Variants in TMPRSS11F observed in about 807,000 individuals in gnomAD.
TMPRSS11F encodes the protein transmembrane serine protease 11F.
In TMPRSS11F, 47 loss-of-function variants were observed where a neutral mutation model predicts 60.2. The ratio of observed to expected loss-of-function variants is 0.78; its 90% CI spans 0.62 to 1.00. The LOEUF (loss-of-function observed/expected upper bound fraction) is 1.00, where lower values mean the gene tolerates loss of function less well. Ranked by LOEUF, TMPRSS11F falls within the 50% of genes least tolerant of loss-of-function variation. TMPRSS11F has a pLI of 0.00. For synonymous variants in TMPRSS11F, 166 were observed against 167.3 expected (o/e 0.99, Z 0.06); for missense variants, 519 against 522.9 (o/e 0.99, Z 0.07).
intron 2 of TMPRSS11F, among the ~76,000 whole-genome samples, chr4:68,091,749 C>CTATCTATCTA (rs1553887390): frequency 5.0e-5 from 1 of 19,862 alleles, no homozygotes; most frequent in Non-Finnish European, 3.3e-4. Flanking sequence ...AATCTCTAAT[C>CTATCTATCTA]TCTCTCTCTC....
At chr4:68,065,141 CT>C (rs1723298865) in intron 7 of TMPRSS11F, among the ~76,000 whole-genome samples, 197 bp from the exon 8 acceptor site, 1 of 152,034 alleles carries the variant, frequency 6.6e-6, no homozygotes, top group African/African-American at 2.4e-5. Context: ...TAATTAATAA[CT>C]GATTAATTTC....
At chr4:68,100,437 G>A (rs949239597) in intron 1 of TMPRSS11F, among the ~76,000 whole-genome samples, 2 of 152,152 alleles carry the variant, frequency 1.3e-5, no homozygotes, top group African/African-American at 4.8e-5. Flanking sequence ...CATATTGATG[G>A]TCCAGGAAGG....
At position 68,070,023 on chromosome 4, in the gene TMPRSS11F, C is replaced by T. The variant is rs1450791510; in HGVS notation, c.515-16G>A. 4.4e-6 allele frequency: 7 copies of T among 1,600,916 alleles called. No homozygotes were observed. The highest frequency in any genetic ancestry group is 1.3e-5 in the African/African-American group (1 of 74,502). On this transcript the variant is annotated splice_polypyrimidine_tract_variant and intron_variant, in intron 5 of 9. Transcript: ENST00000356291. ...CTGTCAATAGCTGGAATAAGCAAAA[C>T]ATGAATTAGTTGGCAGAAGAATATA... is the stretch of plus-strand genomic sequence containing the variant.
intron 2 of TMPRSS11F, among the ~76,000 whole-genome samples, chr4:68,094,173 G>C (rs1197102023): frequency 1.9e-5 from 2 of 104,312 alleles, no homozygotes; most frequent in Non-Finnish European, 2.1e-5. Flanking sequence ...TGATAGACTG[G>C]ATTAAGAAAA....
intron 2 of TMPRSS11F, among the ~76,000 whole-genome samples, chr4:68,095,755 G>T (rs1254436884): frequency 6.6e-6 from 1 of 152,010 alleles, no homozygotes; most frequent in Non-Finnish European, 1.5e-5. Flanking sequence ...AATTATCTGG[G>T]CATGGTGGCG....
At chr4:68,059,206 A>C in intron 9 of TMPRSS11F, 120 bp downstream of exon 9, 4 of 974,048 alleles carry the variant, frequency 4.1e-6, no homozygotes, top group Non-Finnish European at 1.5e-6. Context: ...TTATTAAATA[A>C]AGTCAGTTCT....
At chr4:68,102,739 G>A (rs1009617424) in intron 1 of TMPRSS11F, among the ~76,000 whole-genome samples, 4 of 152,106 alleles carry the variant, frequency 2.6e-5, no homozygotes, top group African/African-American at 4.8e-5. Context: ...ACATACGGTT[G>A]CAAATATTTT....
intron 2 of TMPRSS11F, among the ~76,000 whole-genome samples, chr4:68,097,642 T>C (rs74769144): frequency 7.9e-5 from 12 of 152,296 alleles, no homozygotes; most frequent in African/African-American, 2.9e-4. Flanking sequence ...ATTCAGCCTA[T>C]GACAACCTCT....
At chr4:68,102,728 G>C (rs6853551) in intron 1 of TMPRSS11F, among the ~76,000 whole-genome samples, 44,003 of 151,958 alleles carry the variant, frequency 0.29, 6,460 homozygotes, top group East Asian at 0.49. Context: ...CCCTTTCTCA[G>C]ACATACGGTT....
intron 1 of TMPRSS11F, among the ~76,000 whole-genome samples, chr4:68,114,990 T>TAAAAAA (rs56946635): frequency 1.7e-5 from 2 of 114,370 alleles, no homozygotes; most frequent in African/African-American, 6.8e-5. Flanking sequence ...ATTCATTATT[T>TAAAAAA]AAAAAAAAAA....
intron 1 of TMPRSS11F, among the ~76,000 whole-genome samples, chr4:68,125,769 C>G (rs576207910): frequency 6.6e-6 from 1 of 152,280 alleles, no homozygotes; most frequent in South Asian, 2.1e-4. Flanking sequence ...GGTCAAGATA[C>G]TGGTTTCCAT....
intron 2 of TMPRSS11F, among the ~76,000 whole-genome samples, chr4:68,095,282 A>G (rs1025468011): frequency 2.6e-5 from 4 of 152,082 alleles, no homozygotes; most frequent in African/African-American, 7.2e-5. Context: ...ACAACTGACA[A>G]TGAATATATA....
intron 1 of TMPRSS11F, among the ~76,000 whole-genome samples, chr4:68,101,891 A>G (rs916684580): frequency 6.6e-6 from 1 of 152,092 alleles, no homozygotes; most frequent in Non-Finnish European, 1.5e-5. Context: ...CATAGAATAC[A>G]ATTTTATTAC....
Position 68,075,765 on chromosome 4 carries a change from C to T in TMPRSS11F, c.283-1756G>A, listed in dbSNP as rs186987815. ...ATCCCAGCACTCTGGGAGGCCAAGG[C>T]GGGTGGATCATGAGGTCAGGAGATC... is the stretch of plus-strand genomic sequence containing the variant. On this transcript the variant is annotated intron_variant, in intron 3 of 9. Transcript: ENST00000356291. Among the ~76,000 whole-genome samples, 819 of 152,082 alleles carry T rather than the reference C, an allele frequency of 5.4e-3. 4 individuals carry two copies. The highest frequency in any genetic ancestry group is 9.8e-3 in the Non-Finnish European group (668 of 67,990).
rs544869408 is a variant in TMPRSS11F at position 68,117,284 on chromosome 4, G to A, written c.11+12526C>T. On this transcript the variant is annotated intron_variant, in intron 1 of 9. Transcript: ENST00000356291. The stretch of plus-strand genomic sequence containing the variant: ...AGATCGAGACCATCCAGGCTAACAC[G>A]GTGAAACCCCGTCTCTACTAAAAAT... Among the ~76,000 whole-genome samples, 71 of 151,852 alleles carry A rather than the reference G, an allele frequency of 4.7e-4. No individual in the cohort carries two copies. In the South Asian group the frequency reaches 6.0e-3, roughly 13 times the overall value.
intron 6 of TMPRSS11F, among the ~76,000 whole-genome samples, chr4:68,069,508 G>C (rs1167664431): frequency 6.6e-6 from 1 of 151,850 alleles, no homozygotes; most frequent in Non-Finnish European, 1.5e-5. Context: ...ATTTTTAATG[G>C]GCATGTTTGT....
chr4:68,099,716 A>C (rs1473011327), intron 1 of TMPRSS11F, among the ~76,000 whole-genome samples: 1 of 152,172 alleles, frequency 6.6e-6, no homozygotes, highest in Non-Finnish European at 1.5e-5. Context: ...CTCTTTACTT[A>C]ATCAATATTT....
chr4:68,096,949 A>G (rs552769928), intron 2 of TMPRSS11F, among the ~76,000 whole-genome samples: 3 of 152,248 alleles, frequency 2.0e-5, no homozygotes, highest in African/African-American at 7.2e-5. Flanking sequence ...AATTTCCTTT[A>G]CTGAATTCTT....
chr4:68,118,855 G>T (rs1724574092), intron 1 of TMPRSS11F, among the ~76,000 whole-genome samples: 1 of 152,098 alleles, frequency 6.6e-6, no homozygotes, highest in Non-Finnish European at 1.5e-5. Flanking sequence ...AGACCTGAAG[G>T]ATCATCTAAT....
Sources: gnomAD v4.1 joint callset for allele counts (sites outside exome capture counted in the v4.1 genomes callset) on GRCh38, gnomAD v4.1.1 for gene constraint, MANE v1.5 for transcripts, NCBI Gene and HGNC (gene_info 2026-07-23, HGNC 2026-07-21) for gene names.